TIMP3: variants seen among roughly 807,000 people sequenced by gnomAD.
TIMP3 encodes TIMP metallopeptidase inhibitor 3, also known as metalloproteinase inhibitor 3.
In TIMP3, 11 loss-of-function variants were observed where a neutral mutation model predicts 30.0. That is an observed-to-expected ratio of 0.37 (90% CI 0.23 to 0.61). The LOEUF is 0.61. TIMP3 is among the 20% of genes least tolerant of loss of function. The pLI, the probability that TIMP3 is intolerant of heterozygous loss-of-function variation, is 0.70. For synonymous variants in TIMP3, 112 were observed against 111.3 expected (o/e 1.01, Z -0.04); for missense variants, 181 against 276.8 (o/e 0.65, Z 2.45).
chr22:32,859,194 C>T lies in TIMP3; in HGVS notation c.453C>T (p.Tyr151=). The part of the protein sequence containing the change: ...LGCNCKIKSC[Y]YLPCFVTSKN... ...TCTAATTGCAGATCAAGTCCTGCTA[C>T]TACCTGCCTTGCTTTGTGACTTCCA... Residue 151 remains tyrosine (Y), a synonymous_variant, in exon 5 of 5, where the codon TAC becomes TAT. Coordinates refer to ENST00000266085, the MANE Select transcript of TIMP3 (RefSeq NM_000362.5). 1 of 1,614,226 alleles carries T rather than the reference C, an allele frequency of 6.2e-7. No individual in the cohort carries two copies. The highest frequency in any genetic ancestry group is 8.5e-7 in the Non-Finnish European group (1 of 1,180,042).
intron 1 of TIMP3, among the ~76,000 whole-genome samples, chr22:32,835,395 T>C (rs545049473): frequency 2.0e-5 from 3 of 152,256 alleles, no homozygotes; most frequent in South Asian, 2.1e-4. Flanking sequence ...TTCAAATGAA[T>C]CTACGAACAT....
At chr22:32,851,945 C>T (rs1033740197) in intron 2 of TIMP3, among the ~76,000 whole-genome samples, 20 of 152,310 alleles carry the variant, frequency 1.3e-4, no homozygotes, top group African/African-American at 4.3e-4. Context: ...TCCATCCTCT[C>T]GTGCTTCCTT....
chr22:32,826,294 G>A (rs1313399849), intron 1 of TIMP3, among the ~76,000 whole-genome samples: 3 of 152,086 alleles, frequency 2.0e-5, no homozygotes, highest in Non-Finnish European at 4.4e-5. Context: ...GCTGGGTGTG[G>A]TGGTGACACC....
At position 32,820,378 on chromosome 22, in the gene TIMP3, G is replaced by GT. The variant is rs1270907216; in HGVS notation, c.121+18256_121+18257insT. ...CGTGTGTGTGTGTGTGTGTGTGTGTGGTGTGTTCTACTCCGTGTGTGTGTC... is the reference window on the plus strand; with the variant it reads ...CGTGTGTGTGTGTGTGTGTGTGTGTGTGTGTGTTCTACTCCGTGTGTGTGTC... On this transcript the variant is annotated intron_variant, in intron 1 of 4. Transcript: ENST00000266085. Among the ~76,000 whole-genome samples, 5 of 148,564 alleles carry GT rather than the reference G, an allele frequency of 3.4e-5. No individual in the cohort carries two copies. The East Asian group carries it at 9.9e-4, about 30-fold the overall frequency.
In TIMP3 at chr22:32,862,693, A is replaced by G. The variant is rs1429595361; in HGVS notation, c.*3316A>G. 6.6e-6 allele frequency: 1 copy of G among 152,514 alleles called. No homozygotes were observed. Among genetic ancestry groups the G allele is most frequent in the Non-Finnish European group, 1.5e-5 (1 of 68,048 alleles). The allele number at this position is 152,514 out of a possible 1,614,324, so 9.4% of individuals were successfully genotyped here. A position where few individuals can be genotyped will look rare whatever the true frequency, so the allele number is the denominator to read the frequency against. On this transcript the variant is annotated 3_prime_UTR_variant, in exon 5 of 5. Transcript: ENST00000266085. ...AAGTAGGGGAGGTGGATGTGACAACAACTTCCAAATTGGCTCTTTGGAGGC... is the reference window on the plus strand; with the variant it reads ...AAGTAGGGGAGGTGGATGTGACAACGACTTCCAAATTGGCTCTTTGGAGGC...
At chr22:32,859,156 C>T in intron 4 of TIMP3, 24 bp from the exon 5 acceptor site, 3 of 1,612,872 alleles carry the variant, frequency 1.9e-6, no homozygotes, top group Non-Finnish European at 2.5e-6. Flanking sequence ...AGTCCATCAA[C>T]TGCTGCCTGT....
intron 1 of TIMP3, among the ~76,000 whole-genome samples, chr22:32,825,828 A>G (rs1206703983): frequency 6.6e-6 from 1 of 152,126 alleles, no homozygotes. Context: ...ACATTTCTGT[A>G]TCTATGCAAT....
intron 1 of TIMP3, among the ~76,000 whole-genome samples, chr22:32,830,358 C>T (rs757425736): frequency 6.6e-6 from 1 of 152,128 alleles, no homozygotes; most frequent in Non-Finnish European, 1.5e-5. Flanking sequence ...TGTATGATTG[C>T]ATCTCCCTTT....
chr22:32,814,133 TGTGTGTGTGA>T (rs750986941), intron 1 of TIMP3, among the ~76,000 whole-genome samples: 443 of 75,612 alleles, frequency 5.9e-3, no homozygotes, highest in South Asian at 0.017. Context: ...TGTGTGTGTG[TGTGTGTGTGA>T]GAGAGAGAGA....
chr22:32,827,783 T>C (rs1205141881), intron 1 of TIMP3, among the ~76,000 whole-genome samples: 2 of 152,148 alleles, frequency 1.3e-5, no homozygotes, highest in Non-Finnish European at 2.9e-5. Context: ...TGTTGCCACA[T>C]ACTTCTAGCT....
rs1188778724 is a variant in TIMP3, at chr22:32,837,070, A to G, written c.122-12382A>G. ...CCCAGAGTCCCTCAGCTCTCCTAGCAAACAAAATCCCAATTAGGAGAAAAA... is the reference window on the plus strand; with the variant it reads ...CCCAGAGTCCCTCAGCTCTCCTAGCGAACAAAATCCCAATTAGGAGAAAAA... On this transcript the variant is annotated intron_variant, in intron 1 of 4. Coordinates refer to ENST00000266085, the MANE Select transcript of TIMP3 (RefSeq NM_000362.5). This position sits in a 1 kb window ranked among gnomAD's most constrained non-coding sequence, Gnocchi z 4.1. Among the ~76,000 whole-genome samples, 1 of 152,194 alleles carries G rather than the reference A, an allele frequency of 6.6e-6. No individual in the cohort carries two copies. The highest frequency in any genetic ancestry group is 1.5e-5 in the Non-Finnish European group (1 of 68,040).
intron 1 of TIMP3, among the ~76,000 whole-genome samples, chr22:32,845,472 G>A (rs1477569999): frequency 2.6e-5 from 4 of 152,130 alleles, no homozygotes; most frequent in African/African-American, 7.2e-5. Flanking sequence ...TTACAGTGGT[G>A]AGCCTCCACA....
intron 1 of TIMP3, among the ~76,000 whole-genome samples, chr22:32,816,247 A>G (rs1263027298): frequency 6.6e-6 from 1 of 152,166 alleles, no homozygotes; most frequent in Non-Finnish European, 1.5e-5. Flanking sequence ...AACACTCTTT[A>G]AATAGACATC....
chr22:32,803,058 T>A (rs2145937095), intron 1 of TIMP3, among the ~76,000 whole-genome samples: 1 of 152,024 alleles, frequency 6.6e-6, no homozygotes, highest in East Asian at 1.9e-4. Flanking sequence ...GACACTTGTG[T>A]TTGGATGGCT....
Position 32,858,084 on chromosome 22 carries a change from C to T in TIMP3, c.384C>T (p.Thr128=), listed in dbSNP as rs1243713552. 1.9e-6 allele frequency: 3 copies of T among 1,614,026 alleles called. No homozygotes were observed. Among genetic ancestry groups the T allele is most frequent in the East Asian group, 4.5e-5 (2 of 44,878 alleles). ...TCGTGGAGAGGTGGGACCAGCTCAC[C>T]CTCTCCCAGCGCAAGGGGCTGAACT... ...CNFVERWDQL[T]LSQRKGLNYR... is the part of the protein sequence containing the mutation. The change falls in exon 4 of 5, where the codon ACC becomes ACT. Residue 128 remains threonine (T), a synonymous_variant. Transcript: ENST00000266085.
At chr22:32,804,186 C>T (rs973156088) in intron 1 of TIMP3, among the ~76,000 whole-genome samples, 3 of 152,194 alleles carry the variant, frequency 2.0e-5, no homozygotes, top group Non-Finnish European at 2.9e-5. Context: ...TGCTCTGGCA[C>T]GGATCCCAAA....
At chr22:32,805,376 A>G (rs1403914305) in intron 1 of TIMP3, among the ~76,000 whole-genome samples, 1 of 152,206 alleles carries the variant, frequency 6.6e-6, no homozygotes, top group Non-Finnish European at 1.5e-5. Flanking sequence ...CAAAGAAACC[A>G]GATCCATCCC....
chr22:32,819,497 A>G (rs1000300169), intron 1 of TIMP3, among the ~76,000 whole-genome samples: 2 of 152,234 alleles, frequency 1.3e-5, no homozygotes, highest in Admixed American at 1.3e-4. Context: ...TAAAGGTCCC[A>G]TTAATACATA....
chr22:32,855,641 C>T (rs377477071), intron 2 of TIMP3, among the ~76,000 whole-genome samples: 7 of 152,200 alleles, frequency 4.6e-5, no homozygotes, highest in African/African-American at 1.4e-4. Flanking sequence ...GGAGATTTCT[C>T]AACCTCAGTA....
Sources: allele counts gnomAD v4.1 joint callset (sites outside exome capture counted in the v4.1 genomes callset), GRCh38; gene constraint gnomAD v4.1.1; non-coding constraint Gnocchi (gnomAD v3.1); transcripts MANE v1.5; gene names NCBI Gene and HGNC (gene_info 2026-07-23, HGNC 2026-07-21).